Variants in TRPM7 observed in about 807,000 individuals in gnomAD.
The protein encoded by TRPM7 is LTRPC ion channel family member 7.
Under a neutral mutation model 229.7 loss-of-function variants are expected in TRPM7, and 134 were observed. That is an observed-to-expected ratio of 0.58 (90% CI 0.51 to 0.67). TRPM7 has a LOEUF of 0.67. Ranked by LOEUF, TRPM7 falls within the 30% of genes least tolerant of loss-of-function variation. The probability of loss-of-function intolerance (pLI) is 0.00; values close to 1 mark genes in which losing one functional copy is unlikely to be tolerated. For missense variants in TRPM7, 1,901 were observed against 2,210.0 expected (o/e 0.86, Z 2.80); for synonymous variants, 699 against 715.2 (o/e 0.98, Z 0.36).
intron 1 of TRPM7, among the ~76,000 whole-genome samples, chr15:50,677,738 C>CAA (rs10652951): frequency 0.018 from 682 of 37,994 alleles, 22 homozygotes; most frequent in Admixed American, 0.022. Flanking sequence ...GACCCCGTAT[C>CAA]AAAAAAAAAA....
At chr15:50,567,503 CAT>C (rs1193361557) in intron 38 of TRPM7, among the ~76,000 whole-genome samples, 1 of 151,950 alleles carries the variant, frequency 6.6e-6, no homozygotes, top group Non-Finnish European at 1.5e-5. Flanking sequence ...AGAAAACAAA[CAT>C]AGTGCCCCAT....
intron 38 of TRPM7, among the ~76,000 whole-genome samples, chr15:50,562,116 G>C (rs1173714686): frequency 6.6e-6 from 1 of 151,752 alleles, no homozygotes; most frequent in African/African-American, 2.4e-5. Context: ...GGCTGGTCTT[G>C]AACTCCCGTC....
At chr15:50,587,405 C>CTTT (rs34826776) in intron 27 of TRPM7, among the ~76,000 whole-genome samples, 1,465 of 91,634 alleles carry the variant, frequency 0.016, 176 homozygotes, top group Non-Finnish European at 0.023. Context: ...ATAAATACTG[C>CTTT]TTTTTTTTTT....
At chr15:50,620,746 C>G (rs2060371453) in intron 12 of TRPM7, among the ~76,000 whole-genome samples, 1 of 152,140 alleles carries the variant, frequency 6.6e-6, no homozygotes, top group South Asian at 2.1e-4. Context: ...GCCTGACCAA[C>G]ACGCAGAAAC....
intron 3 of TRPM7, among the ~76,000 whole-genome samples, chr15:50,652,020 G>A (rs2061433751): frequency 6.6e-6 from 1 of 151,770 alleles, no homozygotes; most frequent in African/African-American, 2.4e-5. Flanking sequence ...AAAGTAAGCA[G>A]AAGAAAAGAT....
At chr15:50,674,025 G>A (rs2062045068) in intron 1 of TRPM7, among the ~76,000 whole-genome samples, 1 of 152,136 alleles carries the variant, frequency 6.6e-6, no homozygotes, top group African/African-American at 2.4e-5. Context: ...GTTTTACTCT[G>A]TCGCCCAGGC....
Position 50,593,717 on chromosome 15 carries a change from G to C in TRPM7, c.3508C>G (p.Leu1170Val). ...LFLTEEDQKK[L>V]HDFEEQCVEM... ...ACACACTGCTCTTCAAAATCATGAAGTTTCTTTTGATCTTCTTCTGTTAAG... is the reference window on the plus strand; with the variant it reads ...ACACACTGCTCTTCAAAATCATGAACTTTCTTTTGATCTTCTTCTGTTAAG... Residue 1170 changes from leucine to valine, a missense_variant, in exon 25 of 39, where the codon CTT (leucine) becomes GTT (valine). By Grantham distance (32) the Leu-to-Val change is conservative. Around this residue, in one of 8 missense-constraint regions of TRPM7, gnomAD observed 533 missense variants for 497.1 expected, o/e 1.07. Coordinates refer to ENST00000646667, the MANE Select transcript of TRPM7 (RefSeq NM_017672.6). 4 of 1,609,872 alleles carry C rather than the reference G, an allele frequency of 2.5e-6. No homozygotes were observed. The highest frequency in any genetic ancestry group is 3.4e-6 in the Non-Finnish European group (4 of 1,178,772).
Position 50,561,661 on chromosome 15 carries a change from A to T in TRPM7, c.*17T>A. 1 of 1,601,168 alleles carries T rather than the reference A, an allele frequency of 6.2e-7. No individual in the cohort carries two copies. Among genetic ancestry groups the T allele is most frequent in the African/African-American group, 1.3e-5 (1 of 74,116 alleles). Reference sequence around the variant, plus strand: ...CTGTGAGGTGCAGGCAAAACCAATGATTCAGTAATATTAATATTATAACAT... The same window carrying T: ...CTGTGAGGTGCAGGCAAAACCAATGTTTCAGTAATATTAATATTATAACAT... On this transcript the variant is annotated 3_prime_UTR_variant, in exon 39 of 39. Transcript: ENST00000646667.
chr15:50,670,871 C>T (rs565012983), intron 1 of TRPM7, among the ~76,000 whole-genome samples: 61 of 148,444 alleles, frequency 4.1e-4, no homozygotes, highest in African/African-American at 1.5e-3. Flanking sequence ...TGTGCCAAAA[C>T]GTGTCAAAAC....
chr15:50,610,003 A>G (rs375659929), intron 17 of TRPM7, 42 bp from the exon 18 acceptor site: 3 of 1,329,730 alleles, frequency 2.3e-6, no homozygotes, highest in Non-Finnish European at 2.1e-6. Flanking sequence ...AAAATTAATG[A>G]CCTTCAAGAA....
chr15:50,662,336 A>G (rs2061746222), intron 2 of TRPM7, among the ~76,000 whole-genome samples: 1 of 152,066 alleles, frequency 6.6e-6, no homozygotes, highest in Non-Finnish European at 1.5e-5. Context: ...CAAAAAAAAA[A>G]AAAAGGTAAA....
chr15:50,648,152 AT>A (rs35434064), intron 4 of TRPM7, among the ~76,000 whole-genome samples: 81,809 of 151,936 alleles, frequency 0.54, 22,243 homozygotes, highest in Admixed American at 0.62. Flanking sequence ...TCCAAATACT[AT>A]TGATAATCTG....
At chr15:50,666,820 G>A (rs947288633) in intron 1 of TRPM7, among the ~76,000 whole-genome samples, 4 of 151,972 alleles carry the variant, frequency 2.6e-5, no homozygotes, top group Non-Finnish European at 5.9e-5. Flanking sequence ...AAGAAGAGGC[G>A]GTGGAGGTGG....
At chr15:50,665,959 C>G (rs2140935942) in intron 1 of TRPM7, among the ~76,000 whole-genome samples, 1 of 152,164 alleles carries the variant, frequency 6.6e-6, no homozygotes, top group East Asian at 1.9e-4. Flanking sequence ...TGCTACTGCA[C>G]TCCAGCCTGG....
chr15:50,566,942 C>T (rs1446522862), intron 38 of TRPM7, among the ~76,000 whole-genome samples: 1 of 151,780 alleles, frequency 6.6e-6, no homozygotes, highest in African/African-American at 2.4e-5. Flanking sequence ...ACAGACCAAA[C>T]TGCCATAAGG....
intron 4 of TRPM7, among the ~76,000 whole-genome samples, chr15:50,643,973 C>T (rs2061186703): frequency 6.6e-6 from 1 of 152,100 alleles, no homozygotes; most frequent in Non-Finnish European, 1.5e-5. Flanking sequence ...GCTTCTAAGG[C>T]TCTTGCTATG....
rs746253707 is a variant in TRPM7 at position 50,577,364 on chromosome 15, G to T, written c.4618+1275C>A. ...GGAGTTAGAGACCAGCCTGGCCAAC[G>T]TGGTGAAATCTCGTCTCTACAGAAA... is the stretch of plus-strand genomic sequence containing the variant. On this transcript the variant is annotated intron_variant, in intron 31 of 38. Coordinates refer to ENST00000646667, the MANE Select transcript of TRPM7 (RefSeq NM_017672.6). 1.3e-4 allele frequency among the ~76,000 whole-genome samples: 20 copies of T among 152,018 alleles called. 1 individual carries two copies. The highest frequency in any genetic ancestry group is 1.1e-3 in the Admixed American group (17 of 15,266).
intron 7 of TRPM7, 63 bp downstream of exon 7, chr15:50,637,359 G>T: frequency 1.4e-6 from 2 of 1,458,650 alleles, no homozygotes; most frequent in Non-Finnish European, 1.9e-6. Context: ...TACTTTCTTT[G>T]AATTTGGCTA....
intron 22 of TRPM7, among the ~76,000 whole-genome samples, chr15:50,598,199 TGAGA>T (rs2059683133): frequency 6.6e-6 from 1 of 151,428 alleles, no homozygotes; most frequent in Non-Finnish European, 1.5e-5. Flanking sequence ...AGAATAAGAG[TGAGA>T]GAGAATCAAC....
Sources: allele counts gnomAD v4.1 joint callset (sites outside exome capture counted in the v4.1 genomes callset), GRCh38; gene constraint gnomAD v4.1.1; regional missense constraint gnomAD v4.1.1; transcripts MANE v1.5; gene names NCBI Gene and HGNC (gene_info 2026-07-23, HGNC 2026-07-21).